HIGD2B: variants seen among roughly 807,000 people sequenced by gnomAD.
HIGD2B encodes the protein HIG1 hypoxia inducible domain family member 2B, also known as HIG1 domain family member 2B.
For missense variants in HIGD2B, 106 were observed against 67.0 expected (o/e 1.58, Z -2.03); for synonymous variants, 45 against 28.1 (o/e 1.60, Z -1.90).
At chr15:72,684,332 G>T (rs1180917442) in intron 1 of HIGD2B, among the ~76,000 whole-genome samples, 1 of 151,578 alleles carries the variant, frequency 6.6e-6, no homozygotes, top group East Asian at 1.9e-4. Flanking sequence ...GACATTTATG[G>T]CCTATGCCCT....
intron 2 of HIGD2B, among the ~76,000 whole-genome samples, chr15:72,678,445 G>A (rs1474206405): frequency 1.3e-5 from 2 of 152,184 alleles, no homozygotes; most frequent in East Asian, 3.9e-4. Context: ...GCAGGAGTGT[G>A]CCACCATGCC....
At chr15:72,677,222 G>C (rs1045939865) in intron 2 of HIGD2B, among the ~76,000 whole-genome samples, 1 of 152,140 alleles carries the variant, frequency 6.6e-6, no homozygotes, top group Non-Finnish European at 1.5e-5. Flanking sequence ...TTGAGGCCAG[G>C]AGTTTGAGAC....
In HIGD2B at chr15:72,686,118, T is replaced by C. The variant is rs77973163; in HGVS notation, c.-493A>G. ...TGATTCCTTAGGTCACTCGGCGATT[T>C]ACTTCCTTCCCCCGCTTCCTCACAG... On this transcript the variant is annotated 5_prime_UTR_variant, in exon 1 of 3. Transcript: ENST00000311755. 649 of 1,179,626 alleles carry C rather than the reference T, an allele frequency of 5.5e-4. 1 individual carries two copies. The African/African-American group carries it at 8.5e-3, about 16-fold the overall frequency. The allele number at this position is 1,179,626 out of a possible 1,614,324, so 73.1% of individuals were successfully genotyped here.
intron 2 of HIGD2B, among the ~76,000 whole-genome samples, chr15:72,677,299 A>G (rs148476501): frequency 1.3e-3 from 199 of 152,032 alleles, no homozygotes; most frequent in Middle Eastern, 3.4e-3. Context: ...GCATGGTGGC[A>G]CACTACTCAG....
intron 2 of HIGD2B, among the ~76,000 whole-genome samples, chr15:72,678,934 C>T (rs900370510): frequency 1.1e-4 from 16 of 151,128 alleles, no homozygotes; most frequent in Non-Finnish European, 2.2e-4. Context: ...GAATTCGAGG[C>T]TACAATGAGC....
chr15:72,682,471 G>A (rs2064759500), intron 1 of HIGD2B: 1 of 191,216 alleles, frequency 5.2e-6, no homozygotes, highest in African/African-American at 2.4e-5. Context: ...GGGAGGCCAA[G>A]GCAGGCAGAT....
intron 1 of HIGD2B, among the ~76,000 whole-genome samples, chr15:72,680,771 C>T (rs949766212): frequency 1.3e-5 from 2 of 152,130 alleles, no homozygotes; most frequent in Non-Finnish European, 2.9e-5. Context: ...GCCTGTAATT[C>T]CAGCTACTCA....
At chr15:72,685,516 G>C (rs561537558) in intron 1 of HIGD2B, among the ~76,000 whole-genome samples, 1 of 152,294 alleles carries the variant, frequency 6.6e-6, no homozygotes, top group South Asian at 2.1e-4. Context: ...TCACCGCACC[G>C]GGGGCCAGAC....
At chr15:72,680,778 C>T (rs1567385240) in intron 1 of HIGD2B, among the ~76,000 whole-genome samples, 1 of 152,168 alleles carries the variant, frequency 6.6e-6, no homozygotes, top group Non-Finnish European at 1.5e-5. Context: ...ATTCCAGCTA[C>T]TCAGGAGGCT....
At chr15:72,683,199 T>C (rs1369001824) in intron 1 of HIGD2B, among the ~76,000 whole-genome samples, 2 of 152,242 alleles carry the variant, frequency 1.3e-5, no homozygotes, top group Non-Finnish European at 2.9e-5. Context: ...GAAAGTAGTT[T>C]CTTACACTTT....
Position 72,680,157 on chromosome 15 carries a change from T to G in HIGD2B, c.-156A>C. The G allele has an allele frequency of 2.1e-5, 4 of 188,564 alleles. No individual in the cohort carries two copies. Among genetic ancestry groups the G allele is most frequent in the Non-Finnish European group, 4.5e-5 (4 of 89,100 alleles). The allele number at this position is 188,564 out of a possible 1,614,324, so 11.7% of individuals were successfully genotyped here. ...CTTCTTCCCATTCTTACCCAGCTGGTGGAGTCTACAGCCTATTTCAGGTTT... is the reference window on the plus strand; with the variant it reads ...CTTCTTCCCATTCTTACCCAGCTGGGGGAGTCTACAGCCTATTTCAGGTTT... On this transcript the variant is annotated 5_prime_UTR_variant, in exon 2 of 3. Transcript: ENST00000311755.
intron 2 of HIGD2B, 136 bp from the exon 3 acceptor site, chr15:72,676,523 G>T (rs1351692433): frequency 6.8e-6 from 4 of 589,622 alleles, no homozygotes; most frequent in Non-Finnish European, 1.2e-5. Flanking sequence ...CAATTCTCCT[G>T]CTTCAGCCTT....
chr15:72,682,754 A>C (rs1416798896), intron 1 of HIGD2B: 2 of 204,608 alleles, frequency 9.8e-6, no homozygotes, highest in African/African-American at 4.7e-5. Flanking sequence ...ACAACACTTT[A>C]ACTATGTATT....
intron 1 of HIGD2B, chr15:72,683,041 T>A (rs2064765870): frequency 1.1e-5 from 2 of 183,114 alleles, no homozygotes; most frequent in African/African-American, 2.4e-5. Flanking sequence ...TTCTTTGCTC[T>A]GAAAAAGGAG....
intron 1 of HIGD2B, chr15:72,682,988 AC>A: frequency 6.0e-6 from 1 of 166,652 alleles, no homozygotes; most frequent in Non-Finnish European, 1.3e-5. Flanking sequence ...TGCAGCAGGC[AC>A]CCCCAGACAG....
chr15:72,678,644 G>C (rs1020836283), intron 2 of HIGD2B, among the ~76,000 whole-genome samples: 5 of 152,092 alleles, frequency 3.3e-5, no homozygotes, highest in Admixed American at 3.3e-4. Flanking sequence ...ACTAGTTGGA[G>C]AAAAAGAGAT....
At chr15:72,685,584 G>A in intron 1 of HIGD2B, among the ~76,000 whole-genome samples, 1 of 152,182 alleles carries the variant, frequency 6.6e-6, no homozygotes, top group East Asian at 1.9e-4. Flanking sequence ...AGTCGCAGCC[G>A]CTATTCAGAT....
intron 1 of HIGD2B, among the ~76,000 whole-genome samples, chr15:72,683,568 G>A (rs1991288): frequency 0.96 from 146,327 of 152,062 alleles, 70,676 homozygotes; most frequent in East Asian, 1. Flanking sequence ...TGGGTTGGGC[G>A]GGGTGGCTCA....
chr15:72,679,484 AATT>A (rs1448729450), intron 2 of HIGD2B, among the ~76,000 whole-genome samples: 1 of 152,134 alleles, frequency 6.6e-6, no homozygotes, highest in Admixed American at 6.6e-5. Context: ...TATGAGCCAG[AATT>A]ATAAACTAGC....
Sources: gnomAD v4.1 joint callset for allele counts (sites outside exome capture counted in the v4.1 genomes callset) on GRCh38, gnomAD v4.1.1 for gene constraint, MANE v1.5 for transcripts, NCBI Gene and HGNC (gene_info 2026-07-23, HGNC 2026-07-21) for gene names.